The following ACE variants were observed in gnomAD, a reference collection of about 807,000 sequenced individuals.
ACE encodes angiotensin I converting enzyme.
ACE carries 122 observed loss-of-function variants against 162.3 expected under a neutral mutation model. The ratio of observed to expected loss-of-function variants is 0.75; its 90% CI spans 0.65 to 0.87. The LOEUF (loss-of-function observed/expected upper bound fraction) is 0.87. Among genes scored for constraint, ACE ranks in the 40% least tolerant of loss-of-function variants. ACE has a pLI of 0.00. For synonymous variants in ACE, 796 were observed against 720.6 expected (o/e 1.10, Z -1.68); for missense variants, 1,799 against 1,735.1 (o/e 1.04, Z -0.65).
chr17:63,491,017 C>A lies in ACE; in HGVS notation c.2705C>A (p.Pro902His). Reference sequence around the variant, plus strand: ...TTGGTGGTGCCCTTCCCTTCAGCCCCCTCGATGGACACCACAGAGGCTATG... The same window carrying A: ...TTGGTGGTGCCCTTCCCTTCAGCCCACTCGATGGACACCACAGAGGCTATG... Reference protein sequence around the residue: ...YDLVVPFPSAPSMDTTEAMLK... With the variant: ...YDLVVPFPSAHSMDTTEAMLK... Residue 902 changes from proline (P) to histidine (H), a missense_variant, in exon 18 of 25, where the codon CCC (proline) becomes CAC (histidine). By Grantham distance (77) the Pro-to-His change is moderately conservative. Coordinates refer to ENST00000290866, the MANE Select transcript of ACE (RefSeq NM_000789.4). This position sits in a 1 kb window ranked among gnomAD's most constrained non-coding sequence, Gnocchi z 4.4. 6.2e-7 allele frequency: 1 copy of A among 1,614,230 alleles called. No individual in the cohort carries two copies.
chr17:63,484,062 G>A lies in ACE; in HGVS notation c.1709+91G>A. The stretch of plus-strand genomic sequence containing the variant: ...AGGTGTCTGGCTGCTCTGATGGGGT[G>A]GGGGGCACCAACCACAGAGCTGGAC... On this transcript the variant is annotated intron_variant, in intron 11 of 24. Transcript: ENST00000290866. The surrounding 1 kb of genome is among the most constrained non-coding windows in gnomAD (Gnocchi z 4.0). 1.3e-6 allele frequency: 2 copies of A among 1,523,734 alleles called. No homozygotes were observed. The highest frequency in any genetic ancestry group is 2.4e-5 in the South Asian group (2 of 82,422). 94.4% of individuals were successfully genotyped at this position (1,523,734 alleles called of 1,614,324 possible).
At chr17:63,496,621 G>C in intron 23 of ACE, 105 bp downstream of exon 23, 1 of 1,604,186 alleles carries the variant, frequency 6.2e-7, no homozygotes, top group Non-Finnish European at 8.5e-7. Context: ...GCCATTTTGA[G>C]CCGGGAACTC....
At chr17:63,489,524 G>C (rs1204937007) in intron 17 of ACE, among the ~76,000 whole-genome samples, 1 of 152,156 alleles carries the variant, frequency 6.6e-6, no homozygotes, top group Non-Finnish European at 1.5e-5. Context: ...TTGACAGATG[G>C]GAAGTGGGGG....
In ACE at chr17:63,484,113, A is replaced by G. The variant is rs943909765; in HGVS notation, c.1709+142A>G. On this transcript the variant is annotated intron_variant, in intron 11 of 24. Coordinates refer to ENST00000290866, the MANE Select transcript of ACE (RefSeq NM_000789.4). This position sits in a 1 kb window ranked among gnomAD's most constrained non-coding sequence, Gnocchi z 4.0. ...TGATGTGGATGCCTGTCTCCTCGCT[A>G]TGTCATCAAATATTTATTGAGTGGG... is the stretch of plus-strand genomic sequence containing the variant. The G allele has an allele frequency of 1.0e-5, 14 of 1,400,288 alleles. No homozygotes were observed. The highest frequency in any genetic ancestry group is 2.5e-4 in the Middle Eastern group (1 of 4,020). The allele number at this position is 1,400,288 out of a possible 1,614,324, so 86.7% of individuals were successfully genotyped here. A position where few individuals can be genotyped will look rare whatever the true frequency, so the allele number is the denominator to read the frequency against.
chr17:63,479,933 C>G, intron 4 of ACE, 21 bp downstream of exon 4: 1 of 1,598,574 alleles, frequency 6.3e-7, no homozygotes, highest in Admixed American at 1.7e-5. Context: ...CTCTCCCTGT[C>G]CAGGAACCAC....
chr17:63,492,372 C>CA lies in ACE; in HGVS notation c.2912+994dup, dbSNP rs372318521. 3.7e-3 allele frequency among the ~76,000 whole-genome samples: 563 copies of CA among 152,342 alleles called. 7 individuals carry two copies. The highest frequency in any genetic ancestry group is 0.013 in the African/African-American group (545 of 41,576). The stretch of plus-strand genomic sequence containing the variant: ...AGTCCCTCCCACTTGGGAGAAGTGG[C>CA]AAAGACCATCTGTCACAGCTGAAGA... On this transcript the variant is annotated intron_variant, in intron 19 of 24. Coordinates refer to ENST00000290866, the MANE Select transcript of ACE (RefSeq NM_000789.4).
At chr17:63,495,872 G>A (rs865811640) in intron 22 of ACE, among the ~76,000 whole-genome samples, 3 of 152,244 alleles carry the variant, frequency 2.0e-5, no homozygotes, top group Non-Finnish European at 1.5e-5. Context: ...CTGTGCCACT[G>A]GCTCAGGACA....
At position 63,477,141 on chromosome 17, in the gene ACE, T is replaced by C. The variant is rs1352305726; in HGVS notation, c.47T>C (p.Leu16Pro). 12 of 1,434,414 alleles carry C rather than the reference T, an allele frequency of 8.4e-6. No individual in the cohort carries two copies. Among genetic ancestry groups the C allele is most frequent in the Non-Finnish European group, 1.1e-5 (12 of 1,094,046 alleles). 88.9% of individuals were successfully genotyped at this position (1,434,414 alleles called of 1,614,324 possible). A position where few individuals can be genotyped will look rare whatever the true frequency, so the allele number is the denominator to read the frequency against. Reference protein sequence around the residue: ...GRRGPGLLLPLPLLLLLPPQP... With the variant: ...GRRGPGLLLPPPLLLLLPPQP... ...CGGGGGCCGGGGCTGCTGCTGCCGC[T>C]GCCGCTGCTGTTGCTGCTGCCGCCG... Residue 16 changes from leucine to proline, a missense_variant, in exon 1 of 25, where the codon CTG becomes CCG. Physicochemically the swap from Leu to Pro is moderately conservative, Grantham distance 98. Coordinates refer to ENST00000290866, the MANE Select transcript of ACE (RefSeq NM_000789.4).
intron 14 of ACE, 26 bp downstream of exon 14, chr17:63,486,741 G>A: frequency 6.2e-7 from 1 of 1,614,050 alleles, no homozygotes; most frequent in Non-Finnish European, 8.5e-7. Flanking sequence ...GGTACAGGGA[G>A]AGGGGAATCC....
intron 22 of ACE, among the ~76,000 whole-genome samples, chr17:63,495,646 C>T (rs938422158): frequency 6.6e-6 from 1 of 152,206 alleles, no homozygotes; most frequent in African/African-American, 2.4e-5. Flanking sequence ...CCCTGGGGTT[C>T]CCAGCCGGCG....
At chr17:63,490,119 T>C (rs1473858840) in intron 17 of ACE, 1 of 152,694 alleles carries the variant, frequency 6.5e-6, no homozygotes, top group African/African-American at 2.4e-5. Flanking sequence ...TTCTCTCTCA[T>C]GTTCTCTCCA....
chr17:63,481,518 C>T (rs1391619574), intron 6 of ACE, 48 bp from the exon 7 acceptor site: 1 of 1,606,376 alleles, frequency 6.2e-7, no homozygotes, highest in African/African-American at 1.3e-5. Flanking sequence ...TGTCCCCAGG[C>T]CAGCCAGAGT....
At chr17:63,496,631 C>T (rs2147577664) in intron 23 of ACE, 115 bp downstream of exon 23, 2 of 1,596,980 alleles carry the variant, frequency 1.3e-6, no homozygotes, top group Non-Finnish European at 1.7e-6. Context: ...GCCGGGAACT[C>T]CCACCTGCAG....
At position 63,479,887 on chromosome 17, in the gene ACE, C is replaced by T; in HGVS notation, c.630C>T (p.Leu210=). 1 of 1,612,122 alleles carries T rather than the reference C, an allele frequency of 6.2e-7. No homozygotes were observed. The highest frequency in any genetic ancestry group is 8.5e-7 in the Non-Finnish European group (1 of 1,179,988). Residue 210 remains leucine, a synonymous_variant, in exon 4 of 25, where the codon CTC becomes CTT. Coordinates refer to ENST00000290866, the MANE Select transcript of ACE (RefSeq NM_000789.4). ...CGCTGTACGAGGATTTCACTGCCCT[C>T]AGCAATGAAGCCTACAAGCAGGACG... ...LKPLYEDFTA[L]SNEAYKQDGF... is the part of the protein sequence containing the mutation.
Position 63,493,947 on chromosome 17 carries a change from G to T in ACE, c.3162G>T (p.Lys1054Asn). Reference protein sequence around the residue: ...SDEHDINFLMKMALDKIAFIP... With the variant: ...SDEHDINFLMNMALDKIAFIP... ...AGCATGACATCAACTTTCTGATGAA[G>T]ATGGCCCTTGACAAGATCGCCTTTA... is the stretch of plus-strand genomic sequence containing the variant. Residue 1054 changes from lysine (K) to asparagine (N), a missense_variant, in exon 21 of 25, where the codon AAG (lysine) becomes AAT (asparagine). Lys to Asn is a moderately conservative substitution (Grantham distance 94, BLOSUM62 0). Transcript: ENST00000290866. The T allele has an allele frequency of 6.2e-7, 1 of 1,614,160 alleles. No homozygotes were observed. Among genetic ancestry groups the T allele is most frequent in the Non-Finnish European group, 8.5e-7 (1 of 1,180,036 alleles).
At position 63,478,027 on chromosome 17, in the gene ACE, C is replaced by T. The variant is rs747960753; in HGVS notation, c.346C>T (p.Gln116Ter). 1 of 1,609,010 alleles carries T rather than the reference C, an allele frequency of 6.2e-7. No individual in the cohort carries two copies. The highest frequency in any genetic ancestry group is 8.5e-7 in the Non-Finnish European group (1 of 1,178,046). Reference sequence around the variant, plus strand: ...GATCTGGCAGAACTTCACGGACCCGCAGCTGCGCAGGATCATCGGAGCTGT... The same window carrying T: ...GATCTGGCAGAACTTCACGGACCCGTAGCTGCGCAGGATCATCGGAGCTGT... Reference protein sequence around the residue: ...EPIWQNFTDPQLRRIIGAVRT... With the variant: ...EPIWQNFTDP The change falls in exon 2 of 25, where the codon CAG (glutamine) becomes TAG (stop). Residue 116 changes from glutamine (Q) to a stop codon, truncating the protein, a stop_gained. Coordinates refer to ENST00000290866, the MANE Select transcript of ACE (RefSeq NM_000789.4). LOFTEE classifies it high-confidence loss of function.
intron 2 of ACE, 122 bp downstream of exon 2, chr17:63,478,220 G>A (rs2049651251): frequency 6.3e-6 from 8 of 1,276,848 alleles, no homozygotes; most frequent in Non-Finnish European, 7.5e-6. Context: ...CTGACAGAAG[G>A]GAAAGCCCAG....
At position 63,482,448 on chromosome 17, in the gene ACE, G is replaced by A. The variant is rs774046996; in HGVS notation, c.1119-18G>A. ...CTGTCCATCCGTCACTCTCACCCTCGCCCTCTCTACGCCCCAGGATCAAGC... is the reference window on the plus strand; with the variant it reads ...CTGTCCATCCGTCACTCTCACCCTCACCCTCTCTACGCCCCAGGATCAAGC... On this transcript the variant is annotated intron_variant, in intron 7 of 24. Transcript: ENST00000290866. 1.7e-5 allele frequency: 27 copies of A among 1,611,604 alleles called. No homozygotes were observed. The highest frequency in any genetic ancestry group is 5.0e-5 in the Admixed American group (3 of 59,870).
intron 4 of ACE, 44 bp from the exon 5 acceptor site, chr17:63,480,293 C>G (rs764885805): frequency 1.4e-5 from 23 of 1,601,356 alleles, no homozygotes; most frequent in Non-Finnish European, 1.9e-5. Flanking sequence ...GGCTGAGGTC[C>G]GAGCCTTTGG....
Sources: gnomAD v4.1 joint callset for allele counts (sites outside exome capture counted in the v4.1 genomes callset) on GRCh38, gnomAD v4.1.1 for gene constraint, Gnocchi (gnomAD v3.1) non-coding constraint, MANE v1.5 for transcripts, NCBI Gene and HGNC (gene_info 2026-07-23, HGNC 2026-07-21) for gene names.